Variants in NEK7 observed in about 807,000 individuals in gnomAD.
NEK7 encodes the protein serine/threonine-protein kinase Nek7.
NEK7 carries 18 observed loss-of-function variants against 44.6 expected under a neutral mutation model. The ratio of observed to expected loss-of-function variants is 0.40; its 90% CI spans 0.28 to 0.60. The LOEUF (loss-of-function observed/expected upper bound fraction) is 0.60, where lower values mean the gene tolerates loss of function less well. Among genes scored for constraint, NEK7 ranks in the 20% least tolerant of loss-of-function variants. The probability of loss-of-function intolerance (pLI) is 0.38; values close to 1 mark genes in which losing one functional copy is unlikely to be tolerated. For missense variants in NEK7, 256 were observed against 366.5 expected (o/e 0.70, Z 2.46); for synonymous variants, 130 against 121.1 (o/e 1.07, Z -0.48).
At chr1:198,289,402 TAG>T (rs1654478911) in intron 7 of NEK7, among the ~76,000 whole-genome samples, 1 of 152,076 alleles carries the variant, frequency 6.6e-6, no homozygotes, top group East Asian at 1.9e-4. Context: ...TGGATTTTTG[TAG>T]AGTTTCTGTA....
At chr1:198,194,562 G>C (rs1558050473) in intron 1 of NEK7, among the ~76,000 whole-genome samples, 1 of 151,696 alleles carries the variant, frequency 6.6e-6, no homozygotes, top group Non-Finnish European at 1.5e-5. Flanking sequence ...GGGAGAACAA[G>C]TGGTATTTGG....
chr1:198,218,026 T>C (rs189835383), intron 1 of NEK7, among the ~76,000 whole-genome samples: 1 of 151,720 alleles, frequency 6.6e-6, no homozygotes, highest in Non-Finnish European at 1.5e-5. Flanking sequence ...CCTATGAAAT[T>C]CCTATGAAAA....
intron 1 of NEK7, among the ~76,000 whole-genome samples, chr1:198,211,439 G>A (rs750191055): frequency 6.6e-6 from 1 of 152,072 alleles, no homozygotes; most frequent in South Asian, 2.1e-4. Context: ...TTAAATCTTT[G>A]TGAGATCTCA....
At chr1:198,238,702 C>A (rs892848773) in intron 2 of NEK7, among the ~76,000 whole-genome samples, 2 of 152,214 alleles carry the variant, frequency 1.3e-5, no homozygotes, top group African/African-American at 4.8e-5. Context: ...ACTTGTCCAT[C>A]GTCACATAGC....
chr1:198,214,155 C>G (rs1665854328), intron 1 of NEK7, among the ~76,000 whole-genome samples: 1 of 152,140 alleles, frequency 6.6e-6, no homozygotes, highest in East Asian at 1.9e-4. Flanking sequence ...AAGTCACATC[C>G]TCAAGGGGGA....
At chr1:198,195,827 A>G (rs1002157403) in intron 1 of NEK7, among the ~76,000 whole-genome samples, 5 of 152,204 alleles carry the variant, frequency 3.3e-5, no homozygotes, top group African/African-American at 1.2e-4. Flanking sequence ...TCTCAAAAAG[A>G]AATTTAACCC....
intron 1 of NEK7, among the ~76,000 whole-genome samples, chr1:198,191,084 C>T (rs1254481288): frequency 5.3e-5 from 8 of 151,978 alleles, no homozygotes; most frequent in Admixed American, 5.2e-4. Flanking sequence ...GAAACTAACA[C>T]ATCAAGGGGT....
At position 198,301,276 on chromosome 1, in the gene NEK7, C is replaced by T. The variant is rs573405368; in HGVS notation, c.798+4036C>T. The stretch of plus-strand genomic sequence containing the variant: ...TTTAGCATAACATTTATGGGCCGGG[C>T]GCTGTGGCTCACGCCTGTAGTCCCA... On this transcript the variant is annotated intron_variant, in intron 9 of 9. Coordinates refer to ENST00000367385, the MANE Select transcript of NEK7 (RefSeq NM_133494.3). Among the ~76,000 whole-genome samples, 26 of 152,298 alleles carry T rather than the reference C, an allele frequency of 1.7e-4. No individual in the cohort carries two copies. In the South Asian group the frequency reaches 3.9e-3, roughly 23 times the overall value.
chr1:198,245,570 G>A (rs1460580264), intron 2 of NEK7, among the ~76,000 whole-genome samples: 1 of 152,342 alleles, frequency 6.6e-6, no homozygotes, highest in East Asian at 1.9e-4. Context: ...AATGCCATGG[G>A]CATGAGGCCA....
intron 1 of NEK7, among the ~76,000 whole-genome samples, chr1:198,159,303 A>T (rs1205382201): frequency 1.3e-5 from 2 of 151,020 alleles, no homozygotes; most frequent in East Asian, 3.9e-4. Flanking sequence ...GAAAGAAAGA[A>T]AGGAAGGAAG....
chr1:198,269,252 G>A (rs527618901), intron 5 of NEK7, among the ~76,000 whole-genome samples: 1 of 152,176 alleles, frequency 6.6e-6, no homozygotes, highest in Admixed American at 6.5e-5. Flanking sequence ...ACACTTCTCT[G>A]TTCCAGGGCT....
chr1:198,165,797 A>G lies in NEK7; in HGVS notation c.-29+8521A>G, dbSNP rs547592209. ...GCCAGGCATTGACCTCTCTCTAGCT[A>G]TAAAAGTCCTAGATGGCATCTTTTT... On this transcript the variant is annotated intron_variant, in intron 1 of 9. Transcript: ENST00000367385. Among the ~76,000 whole-genome samples the G allele has an allele frequency of 3.3e-5, 5 of 152,340 alleles. No homozygotes were observed. In the South Asian group the frequency reaches 6.2e-4, roughly 19 times the overall value.
intron 1 of NEK7, among the ~76,000 whole-genome samples, chr1:198,205,033 C>T (rs1350539572): frequency 6.6e-6 from 1 of 152,058 alleles, no homozygotes; most frequent in Non-Finnish European, 1.5e-5. Context: ...TGTTGCTGCT[C>T]CCCGTCCCCC....
At chr1:198,281,673 A>G (rs546462865) in intron 7 of NEK7, among the ~76,000 whole-genome samples, 5 of 152,212 alleles carry the variant, frequency 3.3e-5, no homozygotes, top group African/African-American at 9.6e-5. Context: ...ATTTTTGTTG[A>G]AAAATCAAGA....
At chr1:198,294,048 T>C (rs1354800392) in intron 8 of NEK7, among the ~76,000 whole-genome samples, 1 of 151,968 alleles carries the variant, frequency 6.6e-6, no homozygotes, top group African/African-American at 2.4e-5. Context: ...GAGGTGTTTT[T>C]TGACTCTTTA....
chr1:198,272,708 T>C (rs1418434306), intron 5 of NEK7, among the ~76,000 whole-genome samples: 1 of 151,920 alleles, frequency 6.6e-6, no homozygotes, highest in Non-Finnish European at 1.5e-5. Context: ...TCAGTTTTAG[T>C]AATGTGGAAA....
At chr1:198,229,847 A>G (rs1308901312) in intron 1 of NEK7, among the ~76,000 whole-genome samples, 2 of 152,140 alleles carry the variant, frequency 1.3e-5, no homozygotes, top group East Asian at 1.9e-4. Context: ...AGAGTAAAAC[A>G]CTTTAAGTTT....
chr1:198,262,731 CTT>C, intron 4 of NEK7, 94 bp downstream of exon 4: 2 of 657,942 alleles, frequency 3.0e-6, no homozygotes, highest in African/African-American at 1.8e-5. Flanking sequence ...GTTTTTAAGA[CTT>C]ATGCTACACT....
intron 9 of NEK7, among the ~76,000 whole-genome samples, chr1:198,305,998 A>G (rs1190591212): frequency 2.0e-5 from 3 of 152,086 alleles, no homozygotes; most frequent in Non-Finnish European, 4.4e-5. Flanking sequence ...CTGTATATAA[A>G]AGCTTGGGCG....
Sources: allele counts gnomAD v4.1 joint callset (sites outside exome capture counted in the v4.1 genomes callset), GRCh38; gene constraint gnomAD v4.1.1; transcripts MANE v1.5; gene names NCBI Gene and HGNC (gene_info 2026-07-23, HGNC 2026-07-21).